Variants in KAZN observed in about 807,000 individuals in gnomAD.
KAZN encodes kazrin, periplakin interacting protein, also known as kazrin.
A neutral mutation model predicts 87.4 loss-of-function variants in KAZN; 40 were observed. The observed-to-expected ratio is 0.46, with a 90% confidence interval of 0.36 to 0.60. The LOEUF is 0.60. Ranked by LOEUF, KAZN falls within the 20% of genes least tolerant of loss-of-function variation. KAZN has a pLI of 0.00. For missense variants in KAZN, 898 were observed against 1,073.9 expected (o/e 0.84, Z 2.29); for synonymous variants, 466 against 458.3 (o/e 1.02, Z -0.22).
Position 14,505,597 on chromosome 1 carries a change from G to A in KAZN, c.250-93386G>A, listed in dbSNP as rs116300597. On this transcript the variant is annotated intron_variant, in intron 2 of 16. Coordinates refer to the KAZN transcript ENST00000636203. ...ACTCTAGAGTAATCAAATTCATAGAGACAGAAAGTGGGACAGTAGTGTCCA... is the reference window on the plus strand; with the variant it reads ...ACTCTAGAGTAATCAAATTCATAGAAACAGAAAGTGGGACAGTAGTGTCCA... Among the ~76,000 whole-genome samples, 921 of 152,192 alleles carry A rather than the reference G, an allele frequency of 6.1e-3. 6 individuals are homozygous for A. Among genetic ancestry groups the A allele is most frequent in the Middle Eastern group, 0.01 (3 of 294 alleles).
At chr1:14,717,912 A>G (rs1014396557) in intron 1 of KAZN, among the ~76,000 whole-genome samples, 5 of 152,170 alleles carry the variant, frequency 3.3e-5, no homozygotes, top group South Asian at 2.1e-4. Context: ...GATGGCTACC[A>G]TCTTGCCTGC....
In KAZN at chr1:14,193,562, T is replaced by C. The variant is rs1019421747; in HGVS notation, c.249+12970T>C. ...GCACTGTAAGACTGTAAATTGCTGTTGTATCAGCCACCCAGTCTGTGCTAC... is the reference window on the plus strand; with the variant it reads ...GCACTGTAAGACTGTAAATTGCTGTCGTATCAGCCACCCAGTCTGTGCTAC... On this transcript the variant is annotated intron_variant, in intron 2 of 16. Transcript: ENST00000636203. 2.6e-5 allele frequency among the ~76,000 whole-genome samples: 4 copies of C among 152,248 alleles called. No individual in the cohort carries two copies. In the South Asian group the frequency reaches 6.2e-4, roughly 24 times the overall value.
chr1:14,654,099 A>C (rs1638626359), intron 1 of KAZN, among the ~76,000 whole-genome samples: 1 of 152,160 alleles, frequency 6.6e-6, no homozygotes, highest in African/African-American at 2.4e-5. Flanking sequence ...CAGCCTGGCC[A>C]ACATGGTGAA....
chr1:14,614,068 G>C (rs1678025913), intron 1 of KAZN, among the ~76,000 whole-genome samples: 1 of 152,114 alleles, frequency 6.6e-6, no homozygotes, highest in Non-Finnish European at 1.5e-5. Context: ...TAGATTTCCG[G>C]GAATACGATG....
intron 2 of KAZN, among the ~76,000 whole-genome samples, chr1:14,237,298 G>A (rs150857483): frequency 9.5e-4 from 145 of 152,274 alleles, no homozygotes; most frequent in African/African-American, 3.2e-3. Context: ...AAGGGCCAGC[G>A]TATTTCCCCA....
chr1:15,010,949 C>A (rs1669516825), intron 2 of KAZN, among the ~76,000 whole-genome samples: 1 of 152,188 alleles, frequency 6.6e-6, no homozygotes, highest in African/African-American at 2.4e-5. Flanking sequence ...TTTCATTACT[C>A]CATTTTAAAA....
At chr1:14,837,303 A>C (rs939176584) in intron 1 of KAZN, among the ~76,000 whole-genome samples, 15 of 152,060 alleles carry the variant, frequency 9.9e-5, no homozygotes, top group African/African-American at 3.6e-4. Context: ...GGTTCAAGTG[A>C]TTCTCCTGCC....
At chr1:14,046,401 T>C (rs1488081012) in intron 1 of KAZN, among the ~76,000 whole-genome samples, 1 of 147,728 alleles carries the variant, frequency 6.8e-6, no homozygotes, top group Non-Finnish European at 1.5e-5. Flanking sequence ...CATACATATA[T>C]ATATAAATTT....
intron 2 of KAZN, among the ~76,000 whole-genome samples, chr1:14,465,398 CAAAAAA>C (rs71572107): frequency 1.2e-5 from 1 of 84,814 alleles, no homozygotes; most frequent in African/African-American, 4.8e-5. Context: ...GACTCTGTCT[CAAAAAA>C]AAAAAAAAAA....
intron 8 of KAZN, among the ~76,000 whole-genome samples, chr1:15,074,505 G>A (rs1270161479): frequency 6.6e-6 from 1 of 152,150 alleles, no homozygotes; most frequent in African/African-American, 2.4e-5. Context: ...ATCAGTGAGG[G>A]GCAGTATGAG....
At chr1:14,520,327 C>T (rs1671520477) in intron 2 of KAZN, among the ~76,000 whole-genome samples, 1 of 152,094 alleles carries the variant, frequency 6.6e-6, no homozygotes, top group African/African-American at 2.4e-5. Flanking sequence ...GACAGACCTC[C>T]CGAGAAGGGT....
intron 2 of KAZN, among the ~76,000 whole-genome samples, chr1:14,370,190 G>C (rs775898197): frequency 3.3e-5 from 5 of 152,216 alleles, no homozygotes; most frequent in Non-Finnish European, 7.3e-5. Context: ...GCTTGAGGGA[G>C]AGCAGGGTTG....
chr1:14,988,331 G>A (rs770301930), intron 2 of KAZN, among the ~76,000 whole-genome samples: 12 of 152,212 alleles, frequency 7.9e-5, no homozygotes, highest in Non-Finnish European at 1.5e-4. Flanking sequence ...GCAGCTGGCC[G>A]CATTCTCAGG....
chr1:14,892,402 T>C (rs1373436657), intron 1 of KAZN, among the ~76,000 whole-genome samples: 1 of 151,456 alleles, frequency 6.6e-6, no homozygotes, highest in Non-Finnish European at 1.5e-5. Context: ...CTCTCCTTTT[T>C]CCCCCTCCCC....
chr1:15,109,402 C>T (rs1490841751), intron 13 of KAZN, among the ~76,000 whole-genome samples: 2 of 152,152 alleles, frequency 1.3e-5, no homozygotes, highest in African/African-American at 4.8e-5. Flanking sequence ...GCTTACTGGA[C>T]TTTATCGTAC....
chr1:14,106,223 C>T (rs956565238), intron 1 of KAZN, among the ~76,000 whole-genome samples: 2 of 152,192 alleles, frequency 1.3e-5, no homozygotes, highest in East Asian at 1.9e-4. Flanking sequence ...AAGCCCCCAA[C>T]AGAACCCAAC....
At chr1:14,542,695 C>G (rs2148497532) in intron 2 of KAZN, among the ~76,000 whole-genome samples, 1 of 152,276 alleles carries the variant, frequency 6.6e-6, no homozygotes, top group East Asian at 1.9e-4. Context: ...TTTCACCCTC[C>G]CTACTCTCTA....
chr1:14,997,677 G>A (rs1668038369), intron 2 of KAZN, among the ~76,000 whole-genome samples: 1 of 152,070 alleles, frequency 6.6e-6, no homozygotes, highest in South Asian at 2.1e-4. Context: ...CGGAAAGCCT[G>A]TGTGGGGAAG....
chr1:14,092,983 G>C lies in KAZN; in HGVS notation c.92-87452G>C, dbSNP rs536507567. Among the ~76,000 whole-genome samples, 3 of 152,242 alleles carry C rather than the reference G, an allele frequency of 2.0e-5. No homozygotes were observed. The South Asian group carries it at 6.2e-4, about 32-fold the overall frequency. On this transcript the variant is annotated intron_variant, in intron 1 of 16. Transcript: ENST00000636203. The stretch of plus-strand genomic sequence containing the variant: ...CTTAGATAGTGCAAGAACTTGCCTG[G>C]GTTTCAGCCTTCCCCTGTGGTGCCT...
Sources: gnomAD v4.1 joint callset for allele counts (sites outside exome capture counted in the v4.1 genomes callset) on GRCh38, gnomAD v4.1.1 for gene constraint, MANE v1.5 for transcripts, NCBI Gene and HGNC (gene_info 2026-07-23, HGNC 2026-07-21) for gene names.